TXNRD2: variants seen among roughly 807,000 people sequenced by gnomAD.
The protein encoded by TXNRD2 is thioredoxin reductase 2, also known as thioredoxin reductase 2, mitochondrial.
Under a neutral mutation model 70.8 loss-of-function variants are expected in TXNRD2, and 67 were observed. The observed-to-expected ratio is 0.95, with a 90% CI of 0.78 to 1.16. The LOEUF is 1.16. TXNRD2 is among the 50% of genes most tolerant of loss of function. TXNRD2 has a pLI of 0.00. For missense variants in TXNRD2, 644 were observed against 719.9 expected (o/e 0.89, Z 1.21); for synonymous variants, 301 against 295.8 (o/e 1.02, Z -0.18).
rs559269622 is a variant in TXNRD2 at position 19,919,690 on chromosome 22, AGT to A, written c.173-93_173-92del. 1.2e-5 allele frequency: 14 copies of A among 1,193,142 alleles called. No individual in the cohort carries two copies. The African/African-American group carries it at 3.4e-4, about 29-fold the overall frequency. The allele number at this position is 1,193,142 out of a possible 1,614,324, so 73.9% of individuals were successfully genotyped here. Reference sequence around the variant, plus strand: ...CCTCAGGGCTTGTGAGGTCCAGAAGAGTGTGGGCAGGGCCTGGGCCTGCGGCT... The same window carrying A: ...CCTCAGGGCTTGTGAGGTCCAGAAGAGTGGGCAGGGCCTGGGCCTGCGGCT... On this transcript the variant is annotated intron_variant, in intron 2 of 17. Coordinates refer to ENST00000400521, the MANE Select transcript of TXNRD2 (RefSeq NM_006440.5).
intron 10 of TXNRD2, among the ~76,000 whole-genome samples, chr22:19,896,523 G>A: frequency 6.6e-6 from 1 of 152,156 alleles, no homozygotes; most frequent in East Asian, 1.9e-4. Context: ...GAGCCAGGAG[G>A]GTAGGTAGGA....
chr22:19,924,847 C>T, intron 2 of TXNRD2, among the ~76,000 whole-genome samples: 2 of 151,898 alleles, frequency 1.3e-5, no homozygotes. Context: ...AGGAGGGACT[C>T]AAGGCCAATG....
chr22:19,888,992 T>C (rs532889477), intron 11 of TXNRD2, among the ~76,000 whole-genome samples: 132 of 151,252 alleles, frequency 8.7e-4, no homozygotes, highest in Admixed American at 3.6e-3. Context: ...TGGCCTCAGG[T>C]CCCATCGAGA....
At position 19,941,423 on chromosome 22, in the gene TXNRD2, G is replaced by A. The variant is rs45559342; in HGVS notation, c.103+278C>T. Among the ~76,000 whole-genome samples, 1,677 of 152,252 alleles carry A rather than the reference G, an allele frequency of 0.011. 32 individuals are homozygous for A. Among genetic ancestry groups the A allele is most frequent in the African/African-American group, 0.036 (1,503 of 41,542 alleles). On this transcript the variant is annotated intron_variant, in intron 1 of 17. Transcript: ENST00000400521. ...TATCATCATCTTCAGAACTGTAGTT[G>A]TTACTGGGATACCAGCTCTGGGAGA...
rs543434832 is a variant in TXNRD2, at chr22:19,926,714, G to A, written c.172+4316C>T. ...GAGAATTGCTTGAGCCCGAGAGGCC[G>A]AGGTTGCAGTGAGCCGAGATGGTGC... On this transcript the variant is annotated intron_variant, in intron 2 of 17. Transcript: ENST00000400521. Among the ~76,000 whole-genome samples the A allele has an allele frequency of 1.4e-4, 21 of 152,068 alleles. No individual in the cohort carries two copies. The East Asian group carries it at 3.7e-3, about 27-fold the overall frequency.
chr22:19,914,474 C>T (rs1437711119), intron 7 of TXNRD2, among the ~76,000 whole-genome samples: 1 of 152,176 alleles, frequency 6.6e-6, no homozygotes, highest in African/African-American at 2.4e-5. Flanking sequence ...ATGTTATGCT[C>T]AGTGAAGTAA....
chr22:19,899,980 C>T (rs983559746), intron 8 of TXNRD2, among the ~76,000 whole-genome samples: 4 of 152,204 alleles, frequency 2.6e-5, no homozygotes, highest in African/African-American at 4.8e-5. Flanking sequence ...GATGTAAGGA[C>T]GGATAAGCCC....
intron 1 of TXNRD2, among the ~76,000 whole-genome samples, chr22:19,941,446 A>T (rs2146118919): frequency 6.6e-6 from 1 of 152,246 alleles, no homozygotes; most frequent in East Asian, 1.9e-4. Context: ...CAGCTCTGGG[A>T]GACCACAGGT....
intron 3 of TXNRD2, 122 bp downstream of exon 3, chr22:19,919,421 T>C (rs968067295): frequency 4.6e-5 from 41 of 890,168 alleles, no homozygotes; most frequent in Non-Finnish European, 6.7e-5. Context: ...AACAGGACAC[T>C]GTCCAGAAAC....
chr22:19,926,028 T>C (rs1210786849), intron 2 of TXNRD2, among the ~76,000 whole-genome samples: 1 of 151,302 alleles, frequency 6.6e-6, no homozygotes, highest in Non-Finnish European at 1.5e-5. Context: ...CCAGGCGTGG[T>C]GGTGCATGCC....
chr22:19,880,729 C>T lies in TXNRD2; in HGVS notation c.1087-12G>A, dbSNP rs1317429606. The T allele has an allele frequency of 3.1e-6, 5 of 1,598,784 alleles. No individual in the cohort carries two copies. The African/African-American group carries it at 4.2e-5, about 13-fold the overall frequency. ...AGCTCAGGCCGCCCCTTGGGGAAGG[C>T]ACAGGGGGGCCACGTCAGCACCATG... On this transcript the variant is annotated splice_polypyrimidine_tract_variant and intron_variant, in intron 12 of 17. Coordinates refer to ENST00000400521, the MANE Select transcript of TXNRD2 (RefSeq NM_006440.5).
chr22:19,930,549 T>G (rs984992826), intron 2 of TXNRD2, among the ~76,000 whole-genome samples: 3 of 152,128 alleles, frequency 2.0e-5, no homozygotes, highest in African/African-American at 7.2e-5. Flanking sequence ...CCAGCAGAAC[T>G]GACCATGGAC....
intron 3 of TXNRD2, 23 bp from the exon 4 acceptor site, chr22:19,919,027 T>G: frequency 6.2e-7 from 1 of 1,603,454 alleles, no homozygotes; most frequent in Non-Finnish European, 8.5e-7. Flanking sequence ...AAGAGCACAT[T>G]TGAATTTATG....
At chr22:19,924,810 T>C (rs548732996) in intron 2 of TXNRD2, among the ~76,000 whole-genome samples, 1 of 151,756 alleles carries the variant, frequency 6.6e-6, no homozygotes, top group Non-Finnish European at 1.5e-5. Context: ...TACATGGAAT[T>C]AAAAGTCCCC....
At chr22:19,916,077 C>T in intron 5 of TXNRD2, 1 of 516,488 alleles carries the variant, frequency 1.9e-6, no homozygotes, top group Non-Finnish European at 3.5e-6. Flanking sequence ...GGTGTCAAAG[C>T]AGGGACGGAA....
At chr22:19,920,234 A>G (rs115659066) in intron 2 of TXNRD2, among the ~76,000 whole-genome samples, 1,804 of 152,314 alleles carry the variant, frequency 0.012, 38 homozygotes, top group African/African-American at 0.041. Flanking sequence ...TTGCCCTCCC[A>G]GCCAGCAGTG....
intron 7 of TXNRD2, 48 bp downstream of exon 7, chr22:19,915,166 C>G: frequency 6.3e-7 from 1 of 1,593,410 alleles, no homozygotes; most frequent in Non-Finnish European, 8.6e-7. Flanking sequence ...TCAAAGAGGC[C>G]GGGAATGGGC....
intron 8 of TXNRD2, among the ~76,000 whole-genome samples, chr22:19,906,979 A>G (rs1189133683): frequency 4.9e-3 from 196 of 40,164 alleles, no homozygotes; most frequent in Admixed American, 0.011. Flanking sequence ...GAGTGTGGGC[A>G]CCGTGGGTAG....
chr22:19,935,892 A>G (rs5748485), intron 1 of TXNRD2, among the ~76,000 whole-genome samples: 92,547 of 151,608 alleles, frequency 0.61, 28,502 homozygotes, highest in East Asian at 0.71. Context: ...TTGGCTCCCC[A>G]ACGATTGGTG....
Sources: gnomAD v4.1 joint callset for allele counts (sites outside exome capture counted in the v4.1 genomes callset) on GRCh38, gnomAD v4.1.1 for gene constraint, MANE v1.5 for transcripts, NCBI Gene and HGNC (gene_info 2026-07-23, HGNC 2026-07-21) for gene names.